RSPO3: variants seen among roughly 807,000 people sequenced by gnomAD.
The protein encoded by RSPO3 is R-spondin 3.
Under a neutral mutation model 36.5 loss-of-function variants are expected in RSPO3, and 17 were observed. The observed-to-expected ratio is 0.47, with a 90% confidence interval of 0.32 to 0.70. The LOEUF is 0.70. Among genes scored for constraint, RSPO3 ranks in the 30% least tolerant of loss-of-function variants. The probability of loss-of-function intolerance (pLI) is 0.04; values close to 1 mark genes in which losing one functional copy is unlikely to be tolerated. For missense variants in RSPO3, 294 were observed against 322.5 expected (o/e 0.91, Z 0.68); for synonymous variants, 108 against 107.0 (o/e 1.01, Z -0.06).
intron 4 of RSPO3, among the ~76,000 whole-genome samples, chr6:127,161,481 T>G (rs995350930): frequency 6.6e-6 from 1 of 152,178 alleles, no homozygotes; most frequent in African/African-American, 2.4e-5. Context: ...CCAAGTTTGC[T>G]CCATACCATT....
At chr6:127,165,832 G>GC in intron 4 of RSPO3, among the ~76,000 whole-genome samples, 1 of 151,926 alleles carries the variant, frequency 6.6e-6, no homozygotes, top group South Asian at 2.1e-4. Flanking sequence ...TTTGTTATTT[G>GC]TTTTATTCAT....
intron 4 of RSPO3, among the ~76,000 whole-genome samples, chr6:127,182,998 T>C (rs1775219961): frequency 6.6e-6 from 1 of 152,020 alleles, no homozygotes; most frequent in Non-Finnish European, 1.5e-5. Context: ...TCCCAAGTGC[T>C]TTCCTCTCTT....
At position 127,196,176 on chromosome 6, in the gene RSPO3, G is replaced by A; in HGVS notation, c.*169G>A. On this transcript the variant is annotated 3_prime_UTR_variant, in exon 5 of 5. Coordinates refer to ENST00000356698, the MANE Select transcript of RSPO3 (RefSeq NM_032784.5). Reference sequence around the variant, plus strand: ...TCATACAAGCATAGTTAACAACAAAGAGCCAAAAGATCAAAGAAGGGATAC... The same window carrying A: ...TCATACAAGCATAGTTAACAACAAAAAGCCAAAAGATCAAAGAAGGGATAC... 2.2e-6 allele frequency: 1 copy of A among 450,256 alleles called. No individual in the cohort carries two copies. Among genetic ancestry groups the A allele is most frequent in the Non-Finnish European group, 3.8e-6 (1 of 264,322 alleles). The allele number at this position is 450,256 out of a possible 1,614,324, so 27.9% of individuals were successfully genotyped here. A position where few individuals can be genotyped will look rare whatever the true frequency, so the allele number is the denominator to read the frequency against.
intron 1 of RSPO3, among the ~76,000 whole-genome samples, chr6:127,144,575 C>A (rs1774341164): frequency 6.6e-6 from 1 of 150,948 alleles, no homozygotes; most frequent in South Asian, 2.1e-4. Flanking sequence ...ACATTTTGTT[C>A]TCTTACCAAA....
chr6:127,182,954 G>A (rs1775219226), intron 4 of RSPO3, among the ~76,000 whole-genome samples: 1 of 151,962 alleles, frequency 6.6e-6, no homozygotes, highest in Non-Finnish European at 1.5e-5. Context: ...AGGAAGACAA[G>A]GTTATTTTGT....
At chr6:127,127,220 T>C (rs753645874) in intron 1 of RSPO3, among the ~76,000 whole-genome samples, 37 of 152,222 alleles carry the variant, frequency 2.4e-4, no homozygotes, top group South Asian at 8.3e-4. Context: ...TCTTAACATA[T>C]GCTCGATAAG....
At chr6:127,136,547 T>C (rs1371294802) in intron 1 of RSPO3, among the ~76,000 whole-genome samples, 1 of 152,190 alleles carries the variant, frequency 6.6e-6, no homozygotes, top group African/African-American at 2.4e-5. Context: ...GTACAGCATA[T>C]AGACACTTTC....
intron 1 of RSPO3, among the ~76,000 whole-genome samples, chr6:127,126,739 T>C (rs906018851): frequency 2.0e-5 from 3 of 152,122 alleles, no homozygotes; most frequent in Non-Finnish European, 2.9e-5. Flanking sequence ...AAGTATGCTC[T>C]CTTAATATAA....
intron 4 of RSPO3, among the ~76,000 whole-genome samples, chr6:127,155,905 C>T (rs1049843170): frequency 2.7e-5 from 4 of 150,736 alleles, no homozygotes; most frequent in Admixed American, 6.6e-5. Flanking sequence ...CACACACACA[C>T]ATATATATAA....
rs11751860 is a variant in RSPO3, at chr6:127,142,664, T to C, written c.98-5984T>C. ...TGATTTCATAATTAAGCATTCAAAG[T>C]TTATGTAATTTGCAACATGATTTCT... On this transcript the variant is annotated intron_variant, in intron 1 of 4. Coordinates refer to ENST00000356698, the MANE Select transcript of RSPO3 (RefSeq NM_032784.5). 9.0e-3 allele frequency among the ~76,000 whole-genome samples: 1,371 copies of C among 152,296 alleles called. 7 individuals are homozygous for C. Among genetic ancestry groups the C allele is most frequent in the Non-Finnish European group, 0.015 (1,050 of 68,020 alleles).
At chr6:127,150,715 C>G (rs899348764) in intron 3 of RSPO3, 143 bp downstream of exon 3, 12 of 706,540 alleles carry the variant, frequency 1.7e-5, no homozygotes, top group African/African-American at 5.6e-5. Context: ...TACAAAGATA[C>G]TCTCTTAAAG....
At chr6:127,152,924 A>T (rs1390525194) in intron 3 of RSPO3, among the ~76,000 whole-genome samples, 2 of 152,136 alleles carry the variant, frequency 1.3e-5, no homozygotes, top group African/African-American at 4.8e-5. Flanking sequence ...AGGACTGAGT[A>T]GCAAGGGACA....
intron 4 of RSPO3, chr6:127,192,749 A>T: frequency 2.3e-6 from 2 of 876,814 alleles, no homozygotes; most frequent in Non-Finnish European, 2.7e-6. Context: ...ATGAATATTC[A>T]GTGAATGGCA....
chr6:127,120,166 G>C (rs543087536), intron 1 of RSPO3, among the ~76,000 whole-genome samples: 6 of 152,294 alleles, frequency 3.9e-5, no homozygotes, highest in Admixed American at 3.9e-4. Context: ...CTGGAATTAA[G>C]CGGACACCAC....
intron 4 of RSPO3, 23 bp from the exon 5 acceptor site, chr6:127,195,800 A>G: frequency 7.0e-7 from 1 of 1,434,038 alleles, no homozygotes; most frequent in Non-Finnish European, 9.3e-7. Context: ...TGTAATTTTT[A>G]AAAGAGTATC....
chr6:127,144,452 T>C (rs1774339299), intron 1 of RSPO3, among the ~76,000 whole-genome samples: 1 of 152,190 alleles, frequency 6.6e-6, no homozygotes, highest in Admixed American at 6.6e-5. Context: ...TGATAGCTTC[T>C]ACTTACTTGT....
At chr6:127,144,014 T>TGATAGTAAATAGTGA (rs1774330268) in intron 1 of RSPO3, among the ~76,000 whole-genome samples, 2 of 152,168 alleles carry the variant, frequency 1.3e-5, no homozygotes, top group Admixed American at 1.3e-4. Context: ...AAGTTAAAGG[T>TGATAGTAAATAGTGA]TATCAAATAG....
intron 1 of RSPO3, among the ~76,000 whole-genome samples, chr6:127,121,026 A>G (rs1263001996): frequency 6.6e-6 from 1 of 152,098 alleles, no homozygotes; most frequent in Non-Finnish European, 1.5e-5. Flanking sequence ...CCCGGGCTGG[A>G]GCGCAACCCA....
chr6:127,123,567 C>T (rs1180061118), intron 1 of RSPO3, among the ~76,000 whole-genome samples: 1 of 151,916 alleles, frequency 6.6e-6, no homozygotes, highest in Non-Finnish European at 1.5e-5. Flanking sequence ...TCAAAATATC[C>T]CATGGTGACA....
Sources: allele counts gnomAD v4.1 joint callset (sites outside exome capture counted in the v4.1 genomes callset), GRCh38; gene constraint gnomAD v4.1.1; transcripts MANE v1.5; gene names NCBI Gene and HGNC (gene_info 2026-07-23, HGNC 2026-07-21).